The following PHACTR1 variants were observed in gnomAD, a reference collection of about 807,000 sequenced individuals.
PHACTR1 encodes RPEL repeat containing 1.
PHACTR1 carries 16 observed loss-of-function variants against 69.2 expected under a neutral mutation model. The observed-to-expected ratio is 0.23, with a 90% CI of 0.16 to 0.35. The LOEUF is 0.35. Among genes scored for constraint, PHACTR1 ranks in the 10% least tolerant of loss-of-function variants. The probability of loss-of-function intolerance (pLI) is 1.00; values close to 1 mark genes in which losing one functional copy is unlikely to be tolerated. For synonymous variants in PHACTR1, 312 were observed against 284.5 expected (o/e 1.10, Z -0.97); for missense variants, 510 against 734.7 (o/e 0.69, Z 3.54).
At chr6:13,052,196 T>A (rs961174178) in intron 4 of PHACTR1, among the ~76,000 whole-genome samples, 2 of 152,232 alleles carry the variant, frequency 1.3e-5, no homozygotes, top group Non-Finnish European at 2.9e-5. Context: ...TCTTACTAGC[T>A]TATCACATCT....
chr6:13,286,089 G>A (rs1002982017), intron 13 of PHACTR1, 57 bp from the exon 14 acceptor site: 1 of 1,411,902 alleles, frequency 7.1e-7, no homozygotes, highest in South Asian at 1.3e-5. Context: ...GAACTGAAAG[G>A]GGAGTTTTTT....
chr6:12,771,885 T>G (rs1362472057), intron 4 of PHACTR1, among the ~76,000 whole-genome samples: 2 of 152,092 alleles, frequency 1.3e-5, no homozygotes, highest in Non-Finnish European at 2.9e-5. Context: ...AGGGGTGTTC[T>G]GGGGAAATGG....
At chr6:13,109,559 TTTC>T (rs907815835) in intron 5 of PHACTR1, among the ~76,000 whole-genome samples, 68 of 152,188 alleles carry the variant, frequency 4.5e-4, no homozygotes, top group African/African-American at 1.6e-3. Flanking sequence ...CTCTTAAAAT[TTTC>T]TTCTTATCAC....
chr6:12,915,534 A>G (rs1562007624), intron 4 of PHACTR1, among the ~76,000 whole-genome samples: 1 of 151,572 alleles, frequency 6.6e-6, no homozygotes, highest in Non-Finnish European at 1.5e-5. Context: ...AAAAAAAAAA[A>G]ACAGGAGGAG....
chr6:12,824,619 T>A (rs1340615407), intron 4 of PHACTR1, among the ~76,000 whole-genome samples: 1 of 152,224 alleles, frequency 6.6e-6, no homozygotes, highest in Non-Finnish European at 1.5e-5. Flanking sequence ...GAGGGGGTAG[T>A]GAAGAAAGGC....
chr6:12,944,870 C>T (rs1790496604), intron 4 of PHACTR1, among the ~76,000 whole-genome samples: 2 of 151,702 alleles, frequency 1.3e-5, no homozygotes, highest in Non-Finnish European at 2.9e-5. Flanking sequence ...GCGAGCTCCG[C>T]CTCCCGGGTT....
chr6:13,269,324 G>A lies in PHACTR1; in HGVS notation c.1392-3536G>A, dbSNP rs574437488. Among the ~76,000 whole-genome samples the A allele has an allele frequency of 6.6e-4, 100 of 152,324 alleles. 1 individual carries two copies. The highest frequency in any genetic ancestry group is 1.3e-3 in the Non-Finnish European group (87 of 68,030). ...GAAAGAGCTGTTAAGATCTTTCAAC[G>A]TGGAGTTGGTAAGCTGCATTCCAGA... On this transcript the variant is annotated intron_variant, in intron 10 of 14. Coordinates refer to ENST00000332995, the MANE Select transcript of PHACTR1 (RefSeq NM_030948.6).
intron 13 of PHACTR1, among the ~76,000 whole-genome samples, chr6:13,285,119 A>C (rs968805319): frequency 6.6e-6 from 1 of 152,216 alleles, no homozygotes; most frequent in African/African-American, 2.4e-5. Flanking sequence ...GGATATTAGC[A>C]AGTGTGCAAG....
chr6:12,757,203 G>A (rs115549769), intron 4 of PHACTR1, among the ~76,000 whole-genome samples: 23 of 152,236 alleles, frequency 1.5e-4, no homozygotes, highest in Non-Finnish European at 2.6e-4. Context: ...GTAAAAGAAT[G>A]AACAATGCCC....
In PHACTR1 at chr6:13,091,441, C is replaced by T. The variant is rs574780710; in HGVS notation, c.415+37912C>T. On this transcript the variant is annotated intron_variant, in intron 5 of 14. Coordinates refer to ENST00000332995, the MANE Select transcript of PHACTR1 (RefSeq NM_030948.6). ...GTTCACTGAGTTTGTTCTTTAGTGA[C>T]GTGAGACAAGAATGAGAACATAGCT... Among the ~76,000 whole-genome samples, 9 of 152,218 alleles carry T rather than the reference C, an allele frequency of 5.9e-5. No homozygotes were observed. In the East Asian group the frequency reaches 1.5e-3, roughly 26 times the overall value.
chr6:12,802,814 G>A (rs1487509708), intron 4 of PHACTR1, among the ~76,000 whole-genome samples: 1 of 152,148 alleles, frequency 6.6e-6, no homozygotes, highest in Non-Finnish European at 1.5e-5. Flanking sequence ...AAAGCCCCTT[G>A]GCACCCAAGA....
rs1476818978 is a variant in PHACTR1 at position 13,205,975 on chromosome 6, C to A, written c.825C>A (p.His275Gln). The A allele has an allele frequency of 6.2e-7, 1 of 1,614,056 alleles. No individual in the cohort carries two copies. The highest frequency in any genetic ancestry group is 1.7e-5 in the Admixed American group (1 of 60,032). ...KSGQQGVAQHHHTVLPSQIQH... is the reference protein window; with the variant it reads ...KSGQQGVAQHQHTVLPSQIQH... ...GCCAGCAGGGTGTGGCCCAGCACCA[C>A]CACACTGTCCTGCCCTCCCAGATCC... The change falls in exon 8 of 15, where the codon CAC becomes CAA. Residue 275 changes from histidine to glutamine, a missense_variant. Coordinates refer to ENST00000332995, the MANE Select transcript of PHACTR1 (RefSeq NM_030948.6).
intron 11 of PHACTR1, among the ~76,000 whole-genome samples, chr6:13,277,618 T>C (rs1233842502): frequency 1.3e-5 from 2 of 152,106 alleles, no homozygotes; most frequent in Non-Finnish European, 2.9e-5. Context: ...GCCTCACATC[T>C]CCCCAAATGC....
chr6:13,193,357 G>GTGTATATATATATATA lies in PHACTR1; in HGVS notation c.664+10672_664+10673insGTATATATATATATAT, dbSNP rs536184609. Among the ~76,000 whole-genome samples, 53 of 68,198 alleles carry GTGTATATATATATATA rather than the reference G, an allele frequency of 7.8e-4. 2 individuals are homozygous for GTGTATATATATATATA. The highest frequency in any genetic ancestry group is 2.0e-3 in the South Asian group (5 of 2,454). The allele number at this position is 68,198 out of a possible 152,430, so 44.7% of individuals were successfully genotyped here. A position where few individuals can be genotyped will look rare whatever the true frequency, so the allele number is the denominator to read the frequency against. The stretch of plus-strand genomic sequence containing the variant: ...ATTCTACCTCTTAATAGCTCTCTGT[G>GTGTATATATATATATA]TATATATATATATATATATATATAT... On this transcript the variant is annotated intron_variant, in intron 7 of 14. Coordinates refer to ENST00000332995, the MANE Select transcript of PHACTR1 (RefSeq NM_030948.6).
At chr6:13,272,719 C>CGAGAGTCAGTCTTTCAGAGCACAGGATG in intron 10 of PHACTR1, 141 bp from the exon 11 acceptor site, 1 of 1,589,622 alleles carries the variant, frequency 6.3e-7, no homozygotes. Context: ...GCGGTGGTGG[C>CGAGAGTCAGTCTTTCAGAGCACAGGATG]GAGAGTCAGT....
At chr6:13,048,961 TGG>T in intron 4 of PHACTR1, among the ~76,000 whole-genome samples, 1 of 152,236 alleles carries the variant, frequency 6.6e-6, no homozygotes, top group Non-Finnish European at 1.5e-5. Flanking sequence ...AAAAATGTAA[TGG>T]GGTGATTAAA....
chr6:12,777,104 AATG>A (rs1456318099), intron 4 of PHACTR1, among the ~76,000 whole-genome samples: 1 of 152,156 alleles, frequency 6.6e-6, no homozygotes, highest in Non-Finnish European at 1.5e-5. Flanking sequence ...GATTGCTGGA[AATG>A]ATGAAGAATT....
At chr6:13,259,639 C>T (rs947189003) in intron 10 of PHACTR1, among the ~76,000 whole-genome samples, 2 of 152,150 alleles carry the variant, frequency 1.3e-5, no homozygotes, top group Admixed American at 6.5e-5. Flanking sequence ...ACACAGCAGG[C>T]GGGCTAGATG....
chr6:13,145,537 C>G (rs1823201688), intron 5 of PHACTR1, among the ~76,000 whole-genome samples: 1 of 152,172 alleles, frequency 6.6e-6, no homozygotes, highest in South Asian at 2.1e-4. Flanking sequence ...CGCCCCACCA[C>G]CAAATTCATA....
Sources: allele counts gnomAD v4.1 joint callset (sites outside exome capture counted in the v4.1 genomes callset), GRCh38; gene constraint gnomAD v4.1.1; transcripts MANE v1.5; gene names NCBI Gene and HGNC (gene_info 2026-07-23, HGNC 2026-07-21).